Variants in KSR2 observed in about 807,000 individuals in gnomAD.
KSR2 encodes kinase suppressor of ras 2.
In KSR2, 25 loss-of-function variants were observed where a neutral mutation model predicts 107.8. That is an observed-to-expected ratio of 0.23 (90% CI 0.17 to 0.32). KSR2 has a LOEUF of 0.32. Among genes scored for constraint, KSR2 ranks in the 10% least tolerant of loss-of-function variants. The pLI is 1.00. For synonymous variants in KSR2, 480 were observed against 507.0 expected (o/e 0.95, Z 0.71); for missense variants, 887 against 1,268.9 (o/e 0.70, Z 4.57).
At chr12:117,966,638 CACACACACAT>C (rs1896802020) in intron 1 of KSR2, among the ~76,000 whole-genome samples, 1 of 150,520 alleles carries the variant, frequency 6.6e-6, no homozygotes, top group African/African-American at 2.4e-5. Context: ...CACACACACA[CACACACACAT>C]GCTGTCTCTC....
At chr12:117,931,245 C>G (rs1895688308) in intron 1 of KSR2, among the ~76,000 whole-genome samples, 1 of 152,104 alleles carries the variant, frequency 6.6e-6, no homozygotes, top group African/African-American at 2.4e-5. Context: ...GCACTTTGGC[C>G]TAGCCCAGTC....
At chr12:117,490,569 T>C (rs545970946) in intron 14 of KSR2, among the ~76,000 whole-genome samples, 1 of 152,324 alleles carries the variant, frequency 6.6e-6, no homozygotes, top group East Asian at 1.9e-4. Context: ...ATGGTGAATA[T>C]TCTTTTCTTT....
chr12:117,602,204 GT>G (rs202217082), intron 5 of KSR2, among the ~76,000 whole-genome samples: 3 of 152,030 alleles, frequency 2.0e-5, no homozygotes, highest in African/African-American at 7.3e-5. Context: ...AGTGGGCCAG[GT>G]TTTTTTTGTT....
chr12:117,626,235 G>T (rs1882505768), intron 5 of KSR2, among the ~76,000 whole-genome samples: 1 of 151,694 alleles, frequency 6.6e-6, no homozygotes. Context: ...GTTATTTCTT[G>T]TCTTCTGCTA....
chr12:117,747,810 T>C (rs1344961708), intron 4 of KSR2, among the ~76,000 whole-genome samples: 1 of 152,030 alleles, frequency 6.6e-6, no homozygotes, highest in Non-Finnish European at 1.5e-5. Flanking sequence ...TACCAAGTCA[T>C]AGAGAGGATG....
At chr12:117,843,698 T>C (rs978750942) in intron 3 of KSR2, among the ~76,000 whole-genome samples, 13 of 152,056 alleles carry the variant, frequency 8.5e-5, no homozygotes, top group African/African-American at 1.2e-4. Flanking sequence ...CTGACAGTAG[T>C]CCCTCAATGA....
chr12:117,838,412 C>G (rs1248383723), intron 3 of KSR2, among the ~76,000 whole-genome samples: 1 of 152,118 alleles, frequency 6.6e-6, no homozygotes, highest in East Asian at 1.9e-4. Flanking sequence ...TGTGATCTGC[C>G]CACCTCAGCC....
intron 1 of KSR2, among the ~76,000 whole-genome samples, chr12:117,895,981 C>A: frequency 6.6e-6 from 1 of 152,218 alleles, no homozygotes; most frequent in Non-Finnish European, 1.5e-5. Context: ...ATCACTTGAA[C>A]CCAGAGGGCA....
chr12:117,480,156 T>C (rs1193123250), intron 16 of KSR2, among the ~76,000 whole-genome samples: 1 of 131,266 alleles, frequency 7.6e-6, no homozygotes, highest in Non-Finnish European at 1.6e-5. Flanking sequence ...AACATTCTCC[T>C]GCAATGACTG....
chr12:117,680,760 T>A (rs552175311), intron 4 of KSR2, among the ~76,000 whole-genome samples: 116 of 152,022 alleles, frequency 7.6e-4, no homozygotes, highest in Non-Finnish European at 8.5e-4. Context: ...AAAGTGAAAG[T>A]GGGAGGAGAA....
intron 9 of KSR2, among the ~76,000 whole-genome samples, chr12:117,545,518 T>G (rs115833630): frequency 0.016 from 2,435 of 152,286 alleles, 74 homozygotes; most frequent in African/African-American, 0.055. Flanking sequence ...TTGGGTGAGT[T>G]GTGGAAGTTT....
rs1870934697 is a variant in KSR2, at chr12:117,462,236, C to CAACAAA, written c.*4962_*4963insTTTGTT. The CAACAAA allele has an allele frequency of 6.0e-5, 4 of 66,480 alleles. No individual in the cohort carries two copies. The highest frequency in any genetic ancestry group is 2.3e-4 in the African/African-American group (4 of 17,240). 4.1% of individuals were successfully genotyped at this position (66,480 alleles called of 1,614,324 possible). Reference sequence around the variant, plus strand: ...GTGTTATAAGTTGTGGTGTCCCCAACAAAAAAAAAAAAAAAAAAAAAAAGA... The same window carrying CAACAAA: ...GTGTTATAAGTTGTGGTGTCCCCAACAACAAAAAAAAAAAAAAAAAAAAAAAAAAGA... On this transcript the variant is annotated 3_prime_UTR_variant, in exon 20 of 20. Coordinates refer to ENST00000339824, the MANE Select transcript of KSR2 (RefSeq NM_173598.6).
Position 117,968,236 on chromosome 12 carries a change from G to C in KSR2, c.20C>G (p.Thr7Arg). The C allele has an allele frequency of 1.4e-6, 2 of 1,409,538 alleles. No individual in the cohort carries two copies. The highest frequency in any genetic ancestry group is 1.9e-6 in the Non-Finnish European group (2 of 1,057,676). 87.3% of individuals were successfully genotyped at this position (1,409,538 alleles called of 1,614,324 possible). A position where few individuals can be genotyped will look rare whatever the true frequency, so the allele number is the denominator to read the frequency against. The change falls in exon 1 of 20, where the codon ACG becomes AGG. Residue 7 changes from threonine (T) to arginine (R), a missense_variant. Transcript: ENST00000339824. MDEENM[T>R]KSEEQQPLSL... Reference sequence around the variant, plus strand: ...CAGAGGCTGCTGCTCCTCGCTTTTCGTCATGTTTTCCTCATCCATCGCTTG... The same window carrying C: ...CAGAGGCTGCTGCTCCTCGCTTTTCCTCATGTTTTCCTCATCCATCGCTTG...
intron 3 of KSR2, among the ~76,000 whole-genome samples, chr12:117,834,347 C>A (rs1014482432): frequency 3.4e-5 from 5 of 147,520 alleles, no homozygotes; most frequent in African/African-American, 7.6e-5. Context: ...ACAAGTACAC[C>A]TTTTCCAGGG....
chr12:117,822,633 A>G (rs149526496), intron 3 of KSR2, among the ~76,000 whole-genome samples: 84 of 152,336 alleles, frequency 5.5e-4, no homozygotes, highest in Non-Finnish European at 1.5e-4. Context: ...TGTTATGAAT[A>G]TATGTATTCC....
At chr12:117,817,372 A>C (rs524520) in intron 3 of KSR2, among the ~76,000 whole-genome samples, 149,988 of 152,158 alleles carry the variant, frequency 0.99, 73,934 homozygotes, top group East Asian at 1. Context: ...CTCTCTCAAT[A>C]ACCGCCCCCC....
chr12:117,597,409 GGA>G (rs1880710237), intron 5 of KSR2, among the ~76,000 whole-genome samples: 1 of 152,150 alleles, frequency 6.6e-6, no homozygotes, highest in Non-Finnish European at 1.5e-5. Context: ...GAATCCTCCT[GGA>G]TTATCCAGGT....
intron 1 of KSR2, among the ~76,000 whole-genome samples, chr12:117,869,084 A>G (rs1893570257): frequency 6.7e-6 from 1 of 150,100 alleles, no homozygotes; most frequent in Admixed American, 6.7e-5. Flanking sequence ...AAGTTAGAAC[A>G]TTTCAGGCCA....
At chr12:117,763,327 TA>T (rs34345104) in intron 3 of KSR2, among the ~76,000 whole-genome samples, 66,610 of 149,448 alleles carry the variant, frequency 0.45, 15,422 homozygotes, top group East Asian at 0.8. Flanking sequence ...TCTTTGCTAT[TA>T]AAAAAAAAAA....
Sources: allele counts gnomAD v4.1 joint callset (sites outside exome capture counted in the v4.1 genomes callset), GRCh38; gene constraint gnomAD v4.1.1; transcripts MANE v1.5; gene names NCBI Gene and HGNC (gene_info 2026-07-23, HGNC 2026-07-21).